Variants in SLCO3A1 observed in about 807,000 individuals in gnomAD.
SLCO3A1 encodes solute carrier organic anion transporter family member 3A1.
Under a neutral mutation model 63.1 loss-of-function variants are expected in SLCO3A1, and 27 were observed. That is an observed-to-expected ratio of 0.43 (90% confidence interval 0.32 to 0.59). The LOEUF (loss-of-function observed/expected upper bound fraction) is 0.59. Among genes scored for constraint, SLCO3A1 ranks in the 20% least tolerant of loss-of-function variants. The pLI is 0.09. For synonymous variants in SLCO3A1, 473 were observed against 409.9 expected, an observed-to-expected ratio of 1.15 and a Z score of -1.86; for missense variants, 773 against 945.8, an observed-to-expected ratio of 0.82 and a Z score of 2.40.
chr15:91,876,985 C>G (rs1017057950), intron 1 of SLCO3A1, among the ~76,000 whole-genome samples: 1 of 152,240 alleles, frequency 6.6e-6, no homozygotes, highest in African/African-American at 2.4e-5. Context: ...GGATCTGATT[C>G]AAATCCATTG....
chr15:92,028,908 A>AGTGTGT lies in SLCO3A1; in HGVS notation c.647-65942_647-65937dup, dbSNP rs61238614. Among the ~76,000 whole-genome samples the AGTGTGT allele has an allele frequency of 2.1e-3, 254 of 120,134 alleles. 4 individuals carry two copies. The highest frequency in any genetic ancestry group is 5.7e-3 in the African/African-American group (166 of 29,286). The allele number at this position is 120,134 out of a possible 152,430, so 78.8% of individuals were successfully genotyped here. A position where few individuals can be genotyped will look rare whatever the true frequency, so the allele number is the denominator to read the frequency against. ...CGTTCTTGTTTCAGCTGCAGGCACA[A>AGTGTGT]GTGTGTGTGTGTGTGTGTGTGTGTG... On this transcript the variant is annotated intron_variant, in intron 2 of 9. Coordinates refer to ENST00000318445, the MANE Select transcript of SLCO3A1 (RefSeq NM_013272.4).
intron 2 of SLCO3A1, among the ~76,000 whole-genome samples, chr15:91,987,387 G>A (rs2046067380): frequency 6.6e-6 from 1 of 152,108 alleles, no homozygotes; most frequent in African/African-American, 2.4e-5. Context: ...GGATACAACG[G>A]TGAACAAGAC....
chr15:92,050,321 G>A (rs1374386452), intron 2 of SLCO3A1, among the ~76,000 whole-genome samples: 1 of 152,198 alleles, frequency 6.6e-6, no homozygotes, highest in Non-Finnish European at 1.5e-5. Context: ...TTGAGACCAG[G>A]CAGATGACAA....
At chr15:91,905,847 T>C (rs1898288285) in intron 1 of SLCO3A1, among the ~76,000 whole-genome samples, 1 of 65,286 alleles carries the variant, frequency 1.5e-5, no homozygotes, top group Non-Finnish European at 2.5e-5. Context: ...ATAAGTAAAC[T>C]TATCGTTATT....
chr15:92,163,675 G>A lies in SLCO3A1; in HGVS notation c.*540G>A, dbSNP rs2048469204. ...GGGCGCACAAGTCGGAGGGGTGGAAGCACCACTCCTCTCTCTGACTTTCGC... is the reference window on the plus strand; with the variant it reads ...GGGCGCACAAGTCGGAGGGGTGGAAACACCACTCCTCTCTCTGACTTTCGC... On this transcript the variant is annotated 3_prime_UTR_variant, in exon 10 of 10. Transcript: ENST00000318445. The A allele has an allele frequency of 2.0e-6, 2 of 985,286 alleles. No homozygotes were observed. The highest frequency in any genetic ancestry group is 1.2e-6 in the Non-Finnish European group (1 of 829,882). The allele number at this position is 985,286 out of a possible 1,614,324, so 61.0% of individuals were successfully genotyped here.
intron 9 of SLCO3A1, among the ~76,000 whole-genome samples, chr15:92,160,066 C>T (rs992395410): frequency 6.6e-6 from 1 of 152,046 alleles, no homozygotes; most frequent in African/African-American, 2.4e-5. Flanking sequence ...TCCTCTCTAA[C>T]CTTGGCTCCC....
chr15:91,985,760 G>A (rs2046044021), intron 2 of SLCO3A1, among the ~76,000 whole-genome samples: 1 of 152,266 alleles, frequency 6.6e-6, no homozygotes, highest in East Asian at 1.9e-4. Context: ...TGCTTGCAAA[G>A]GGCCACAGGA....
At chr15:91,924,323 G>T (rs897874115) in intron 2 of SLCO3A1, among the ~76,000 whole-genome samples, 1 of 152,122 alleles carries the variant, frequency 6.6e-6, no homozygotes, top group South Asian at 2.1e-4. Context: ...CTGGAAATCC[G>T]TATTTTTCAA....
At chr15:92,029,982 A>G (rs1347923222) in intron 2 of SLCO3A1, among the ~76,000 whole-genome samples, 3 of 152,118 alleles carry the variant, frequency 2.0e-5, no homozygotes, top group Non-Finnish European at 4.4e-5. Flanking sequence ...TCTGGCTTCA[A>G]CCGTTGCATT....
intron 7 of SLCO3A1, among the ~76,000 whole-genome samples, chr15:92,136,889 TC>T (rs988382372): frequency 1.1e-4 from 16 of 151,638 alleles, no homozygotes; most frequent in Non-Finnish European, 2.2e-4. Flanking sequence ...GGGAGTTATT[TC>T]TAAATTAGTA....
intron 2 of SLCO3A1, among the ~76,000 whole-genome samples, chr15:92,081,652 G>A (rs963441473): frequency 6.6e-6 from 1 of 152,230 alleles, no homozygotes. Context: ...ACAGGTGTGA[G>A]CCACTGCACC....
At chr15:91,887,111 G>T (rs1445540551) in intron 1 of SLCO3A1, among the ~76,000 whole-genome samples, 1 of 152,220 alleles carries the variant, frequency 6.6e-6, no homozygotes, top group Non-Finnish European at 1.5e-5. Flanking sequence ...TCACTGTCAA[G>T]TGTCTAATTC....
At chr15:91,891,105 A>C (rs1897857584) in intron 1 of SLCO3A1, among the ~76,000 whole-genome samples, 1 of 151,558 alleles carries the variant, frequency 6.6e-6, no homozygotes, top group Non-Finnish European at 1.5e-5. Context: ...AGCTCAAAGA[A>C]GCTTTTGAGG....
At position 91,886,258 on chromosome 15, in the gene SLCO3A1, A is replaced by G. The variant is rs1384096057; in HGVS notation, c.181-29735A>G. Among the ~76,000 whole-genome samples, 1 of 152,210 alleles carries G rather than the reference A, an allele frequency of 6.6e-6. No individual in the cohort carries two copies. ...CCACATTGGAAGCTTAGAGGATTGT[A>G]TCTTTTTCTCACCAGCTAACTCTTA... is the stretch of plus-strand genomic sequence containing the variant. On this transcript the variant is annotated intron_variant, in intron 1 of 9. Coordinates refer to ENST00000318445, the MANE Select transcript of SLCO3A1 (RefSeq NM_013272.4). The surrounding 1 kb of genome is among the most constrained non-coding windows in gnomAD (Gnocchi z 4.9).
At position 92,126,225 on chromosome 15, in the gene SLCO3A1, C is replaced by T; in HGVS notation, c.1339C>T (p.Pro447Ser). The change falls in exon 6 of 10, where the codon CCT (proline) becomes TCT (serine). Residue 447 changes from proline (P) to serine (S), a missense_variant. Pro to Ser is a moderately conservative substitution (Grantham distance 74, BLOSUM62 -1). Coordinates refer to ENST00000318445, the MANE Select transcript of SLCO3A1 (RefSeq NM_013272.4). Reference sequence around the variant, plus strand: ...CCTCTTCCTGGGCTGCGACACTGGCCCTGTGGCTGGGGTTACTGTTCCCTA... The same window carrying T: ...CCTCTTCCTGGGCTGCGACACTGGCTCTGTGGCTGGGGTTACTGTTCCCTA... ...SFLFLGCDTG[P>S]VAGVTVPYGN... The T allele has an allele frequency of 6.2e-7, 1 of 1,613,976 alleles. No individual in the cohort carries two copies.
At chr15:92,140,628 G>T (rs2048118631) in intron 7 of SLCO3A1, among the ~76,000 whole-genome samples, 1 of 152,144 alleles carries the variant, frequency 6.6e-6, no homozygotes, top group South Asian at 2.1e-4. Flanking sequence ...CTCTTTGTAG[G>T]TCACTCAGGA....
At chr15:91,884,058 T>C (rs1902586450) in intron 1 of SLCO3A1, among the ~76,000 whole-genome samples, 1 of 152,254 alleles carries the variant, frequency 6.6e-6, no homozygotes, top group Non-Finnish European at 1.5e-5. Flanking sequence ...AACACTGTTA[T>C]AAGGTTTTCC....
At chr15:92,065,092 T>TTGTA (rs1354541311) in intron 2 of SLCO3A1, among the ~76,000 whole-genome samples, 1 of 152,020 alleles carries the variant, frequency 6.6e-6, no homozygotes, top group African/African-American at 2.4e-5. Context: ...GTTTGTTTGT[T>TTGTA]TGTTTTTGCA....
Position 91,950,002 on chromosome 15 carries a change from G to A in SLCO3A1, c.646+33544G>A, listed in dbSNP as rs1244947014. On this transcript the variant is annotated intron_variant, in intron 2 of 9. Transcript: ENST00000318445. This position sits in a 1 kb window ranked among gnomAD's most constrained non-coding sequence, Gnocchi z 4.4. ...AGCCTGAGCAACAGAACCAGACCCTGTCTCTAAAAAACAACAACGAAAAGA... is the reference window on the plus strand; with the variant it reads ...AGCCTGAGCAACAGAACCAGACCCTATCTCTAAAAAACAACAACGAAAAGA... Among the ~76,000 whole-genome samples, 2 of 152,096 alleles carry A rather than the reference G, an allele frequency of 1.3e-5. No homozygotes were observed. Among genetic ancestry groups the A allele is most frequent in the Non-Finnish European group, 2.9e-5 (2 of 68,022 alleles).
Sources: allele counts gnomAD v4.1 joint callset (sites outside exome capture counted in the v4.1 genomes callset), GRCh38; gene constraint gnomAD v4.1.1; non-coding constraint Gnocchi (gnomAD v3.1); transcripts MANE v1.5; gene names NCBI Gene and HGNC (gene_info 2026-07-23, HGNC 2026-07-21).